The following GRXCR1 variants were observed in gnomAD, a reference collection of about 807,000 sequenced individuals.
The protein encoded by GRXCR1 is glutaredoxin domain-containing cysteine-rich protein 1.
In GRXCR1, 27 loss-of-function variants were observed where a neutral mutation model predicts 27.3. The ratio of observed to expected loss-of-function variants is 0.99; its 90% CI spans 0.73 to 1.37. The LOEUF is 1.37. GRXCR1 is among the 40% of genes most tolerant of loss of function. The probability of loss-of-function intolerance (pLI) is 0.00; values close to 1 mark genes in which losing one functional copy is unlikely to be tolerated. For synonymous variants in GRXCR1, 122 were observed against 131.1 expected (o/e 0.93, Z 0.47); for missense variants, 379 against 354.4 (o/e 1.07, Z -0.56).
intron 2 of GRXCR1, among the ~76,000 whole-genome samples, chr4:42,989,844 A>G (rs1439050101): frequency 2.0e-5 from 3 of 152,154 alleles, no homozygotes; most frequent in Non-Finnish European, 4.4e-5. Context: ...CCTATCTGCA[A>G]GCACCTCTCA....
chr4:42,896,709 T>G (rs1356280665), intron 1 of GRXCR1, among the ~76,000 whole-genome samples: 1 of 152,098 alleles, frequency 6.6e-6, no homozygotes, highest in Non-Finnish European at 1.5e-5. Context: ...ATCATTGACC[T>G]AGAGTATCAA....
intron 1 of GRXCR1, among the ~76,000 whole-genome samples, chr4:42,908,234 G>T (rs1012394578): frequency 6.6e-6 from 1 of 152,164 alleles, no homozygotes; most frequent in Non-Finnish European, 1.5e-5. Flanking sequence ...ACACTGAATT[G>T]CTGCTATACC....
chr4:42,970,745 C>A (rs1560669492), intron 2 of GRXCR1, among the ~76,000 whole-genome samples: 1 of 152,134 alleles, frequency 6.6e-6, no homozygotes, highest in Admixed American at 6.5e-5. Flanking sequence ...GCCCTGGAGA[C>A]ATTTTCCTCA....
chr4:42,952,587 T>A (rs1303377403), intron 1 of GRXCR1, among the ~76,000 whole-genome samples: 1 of 152,128 alleles, frequency 6.6e-6, no homozygotes, highest in East Asian at 1.9e-4. Flanking sequence ...AATAAAAGAA[T>A]TAGGGTTGCT....
chr4:43,004,407 C>T (rs935951523), intron 2 of GRXCR1, among the ~76,000 whole-genome samples: 4 of 152,210 alleles, frequency 2.6e-5, no homozygotes, highest in African/African-American at 7.2e-5. Flanking sequence ...ACCACTGGGG[C>T]ACTGCCCAGT....
intron 1 of GRXCR1, among the ~76,000 whole-genome samples, chr4:42,923,210 T>C (rs1747063106): frequency 6.6e-6 from 1 of 152,106 alleles, no homozygotes; most frequent in Admixed American, 6.6e-5. Flanking sequence ...AACAACTGCC[T>C]ACTCAATGGT....
At chr4:43,027,342 A>G (rs1472217230) in intron 3 of GRXCR1, among the ~76,000 whole-genome samples, 1 of 152,212 alleles carries the variant, frequency 6.6e-6, no homozygotes, top group Non-Finnish European at 1.5e-5. Flanking sequence ...TATTTTTAGA[A>G]ATAAAAATGT....
At chr4:42,900,918 T>A (rs1212439656) in intron 1 of GRXCR1, among the ~76,000 whole-genome samples, 1 of 152,130 alleles carries the variant, frequency 6.6e-6, no homozygotes, top group Non-Finnish European at 1.5e-5. Flanking sequence ...CTTATTCGCG[T>A]ATCACCTTTG....
chr4:42,964,349 G>C (rs755290710), intron 2 of GRXCR1, among the ~76,000 whole-genome samples: 2 of 151,956 alleles, frequency 1.3e-5, no homozygotes, highest in Admixed American at 6.6e-5. Context: ...TGGCATACTG[G>C]TTAAGAGCAA....
At chr4:42,978,990 G>A (rs919669178) in intron 2 of GRXCR1, among the ~76,000 whole-genome samples, 1 of 151,936 alleles carries the variant, frequency 6.6e-6, no homozygotes, top group Non-Finnish European at 1.5e-5. Flanking sequence ...TGTGAAGAAG[G>A]TGCCTTGCTT....
chr4:42,945,793 A>G (rs1381780438), intron 1 of GRXCR1, among the ~76,000 whole-genome samples: 1 of 152,138 alleles, frequency 6.6e-6, no homozygotes, highest in African/African-American at 2.4e-5. Flanking sequence ...CTTATTTTAG[A>G]GGTGGTTAGC....
chr4:42,925,187 G>A (rs1333655037), intron 1 of GRXCR1, among the ~76,000 whole-genome samples: 5 of 151,986 alleles, frequency 3.3e-5, no homozygotes, highest in African/African-American at 1.2e-4. Flanking sequence ...GGGTGTAAAG[G>A]TTGGATGCCC....
chr4:42,983,013 C>T (rs1379159728), intron 2 of GRXCR1, among the ~76,000 whole-genome samples: 1 of 151,984 alleles, frequency 6.6e-6, no homozygotes, highest in Non-Finnish European at 1.5e-5. Flanking sequence ...GTTGCCTGTT[C>T]ACTCTGATGA....
At chr4:43,020,136 G>A (rs1349719692) in intron 2 of GRXCR1, among the ~76,000 whole-genome samples, 2 of 152,032 alleles carry the variant, frequency 1.3e-5, no homozygotes, top group Non-Finnish European at 2.9e-5. Flanking sequence ...CCTGCTGGCA[G>A]CCCTCCTCTT....
At chr4:42,969,673 C>T (rs1235241514) in intron 2 of GRXCR1, among the ~76,000 whole-genome samples, 1 of 152,072 alleles carries the variant, frequency 6.6e-6, no homozygotes, top group Non-Finnish European at 1.5e-5. Flanking sequence ...ATGATTCAAT[C>T]ACCTCCCATC....
chr4:42,991,777 TA>T (rs1243524074), intron 2 of GRXCR1, among the ~76,000 whole-genome samples: 2 of 152,146 alleles, frequency 1.3e-5, no homozygotes, highest in South Asian at 2.1e-4. Context: ...TTTATGCAGT[TA>T]AAAAGTAAGT....
rs553031876 is a variant in GRXCR1 at position 42,997,414 on chromosome 4, A to C, written c.628-22940A>C. On this transcript the variant is annotated intron_variant, in intron 2 of 3. Coordinates refer to ENST00000399770, the MANE Select transcript of GRXCR1 (RefSeq NM_001080476.3). The stretch of plus-strand genomic sequence containing the variant: ...CTAAAATCTATAGCAGAAGGGAATA[A>C]TAATAAAAATATGTAGCTGAAAATG... 5.7e-4 allele frequency among the ~76,000 whole-genome samples: 87 copies of C among 152,328 alleles called. 2 individuals carry two copies. The South Asian group carries it at 0.018, about 31-fold the overall frequency.
In GRXCR1 at chr4:43,030,627, A is replaced by C. The variant is rs190965760; in HGVS notation, c.*87A>C. 5.6e-6 allele frequency: 6 copies of C among 1,063,064 alleles called. No homozygotes were observed. Among genetic ancestry groups the C allele is most frequent in the Non-Finnish European group, 8.5e-6 (6 of 703,956 alleles). The allele number at this position is 1,063,064 out of a possible 1,614,324, so 65.9% of individuals were successfully genotyped here. ...TATATATTTTTAAATGGTTATGTTTATGGATTAATCAATAAACTTTGTTTA... is the reference window on the plus strand; with the variant it reads ...TATATATTTTTAAATGGTTATGTTTCTGGATTAATCAATAAACTTTGTTTA... On this transcript the variant is annotated 3_prime_UTR_variant, in exon 4 of 4. Transcript: ENST00000399770.
At chr4:42,927,246 G>T (rs536404932) in intron 1 of GRXCR1, among the ~76,000 whole-genome samples, 92 of 152,076 alleles carry the variant, frequency 6.0e-4, no homozygotes, top group Non-Finnish European at 1.0e-3. Flanking sequence ...TGAGGCTGGG[G>T]TTGTCTTGCT....
Sources: gnomAD v4.1 joint callset for allele counts (sites outside exome capture counted in the v4.1 genomes callset) on GRCh38, gnomAD v4.1.1 for gene constraint, MANE v1.5 for transcripts, NCBI Gene and HGNC (gene_info 2026-07-23, HGNC 2026-07-21) for gene names.